DOCK4: variants seen among roughly 807,000 people sequenced by gnomAD.
DOCK4 encodes dedicator of cytokinesis 4.
In DOCK4, 97 loss-of-function variants were observed where a neutral mutation model predicts 268.1. The observed-to-expected ratio is 0.36, with a 90% CI of 0.31 to 0.43. The LOEUF (loss-of-function observed/expected upper bound fraction) is 0.43, where lower values mean the gene tolerates loss of function less well. DOCK4 is among the 20% of genes least tolerant of loss of function. The probability of loss-of-function intolerance (pLI) is 1.00; values close to 1 mark genes in which losing one functional copy is unlikely to be tolerated. For synonymous variants in DOCK4, 954 were observed against 887.2 expected, an observed-to-expected ratio of 1.08 and a Z score of -1.34; for missense variants, 2,145 against 2,455.7, an observed-to-expected ratio of 0.87 and a Z score of 2.67.
rs756065788 is a variant in DOCK4 at position 111,868,028 on chromosome 7, G to C, written c.2236C>G (p.Leu746Val). 6.2e-7 allele frequency: 1 copy of C among 1,612,586 alleles called. No individual in the cohort carries two copies. The highest frequency in any genetic ancestry group is 8.5e-7 in the Non-Finnish European group (1 of 1,179,320). Residue 746 changes from leucine (L) to valine (V), a missense_variant, in exon 22 of 53, where the codon CTT becomes GTT. By Grantham distance (32) the Leu-to-Val change is conservative. Transcript: ENST00000428084. Reference sequence around the variant, plus strand: ...CCAGACCCTTTGCTCTCTTGCGAAAGAAAGAAACGGACTGACATGAGAAGC... The same window carrying C: ...CCAGACCCTTTGCTCTCTTGCGAAACAAAGAAACGGACTGACATGAGAAGC... ...QELLMSVRFFLSQESKGSGAL... is the reference protein window; with the variant it reads ...QELLMSVRFFVSQESKGSGAL...
intron 1 of DOCK4, among the ~76,000 whole-genome samples, chr7:112,197,366 G>A (rs748165735): frequency 6.6e-6 from 1 of 151,442 alleles, no homozygotes; most frequent in Non-Finnish European, 1.5e-5. Context: ...TTTTAGATGG[G>A]TGCGTGTTCT....
At chr7:111,944,709 C>T in intron 10 of DOCK4, 102 bp downstream of exon 10, 3 of 1,167,384 alleles carry the variant, frequency 2.6e-6, no homozygotes, top group South Asian at 1.4e-5. Context: ...GCTTTGATAT[C>T]TTTCTGATTC....
chr7:111,740,729 T>TTAAAAAAAAA (rs1795851414), intron 47 of DOCK4, among the ~76,000 whole-genome samples: 1 of 16,472 alleles, frequency 6.1e-5, no homozygotes, highest in Admixed American at 1.6e-3. Context: ...TGAGACTCGC[T>TTAAAAAAAAA]AAAAAAAAAA....
At chr7:112,193,975 T>A (rs1001011185) in intron 1 of DOCK4, among the ~76,000 whole-genome samples, 2 of 152,024 alleles carry the variant, frequency 1.3e-5, no homozygotes, top group Non-Finnish European at 2.9e-5. Flanking sequence ...CTCCAGGATC[T>A]CTTCTTATAA....
intron 30 of DOCK4, chr7:111,808,400 C>T (rs1245002651): frequency 5.8e-6 from 1 of 170,986 alleles, no homozygotes; most frequent in Non-Finnish European, 1.3e-5. Flanking sequence ...GGACAATGGT[C>T]TCAAGTTTTT....
At chr7:111,793,415 C>G (rs1456947318) in intron 30 of DOCK4, among the ~76,000 whole-genome samples, 1 of 152,178 alleles carries the variant, frequency 6.6e-6, no homozygotes, top group East Asian at 1.9e-4. Context: ...ACTATAAACA[C>G]AAAGAGAGAC....
chr7:111,845,324 G>A (rs964714339), intron 24 of DOCK4, among the ~76,000 whole-genome samples: 4 of 152,092 alleles, frequency 2.6e-5, no homozygotes, highest in South Asian at 2.1e-4. Flanking sequence ...GTCATTTTCC[G>A]AAACTTTAAG....
Position 111,877,200 on chromosome 7 carries a change from T to G in DOCK4, c.1588-14A>C, listed in dbSNP as rs1170791534. ...GTTTTCTTCACACTGTTAAAAATAT[T>G]TAAAAAAACATAAGGGAAGGGGAAG... On this transcript the variant is annotated splice_polypyrimidine_tract_variant and intron_variant, in intron 16 of 52. Coordinates refer to ENST00000428084, the MANE Select transcript of DOCK4 (RefSeq NM_001363540.2). 1 of 1,436,968 alleles carries G rather than the reference T, an allele frequency of 7.0e-7. No homozygotes were observed. The highest frequency in any genetic ancestry group is 1.6e-5 in the South Asian group (1 of 64,164). The allele number at this position is 1,436,968 out of a possible 1,614,324, so 89.0% of individuals were successfully genotyped here. A position where few individuals can be genotyped will look rare whatever the true frequency, so the allele number is the denominator to read the frequency against.
chr7:111,866,074 G>C (rs1427290089), intron 22 of DOCK4, among the ~76,000 whole-genome samples: 2 of 152,202 alleles, frequency 1.3e-5, no homozygotes, highest in South Asian at 2.1e-4. Flanking sequence ...CTGACCTATA[G>C]AACTGTGGGC....
At chr7:112,053,461 T>C (rs1805545137) in intron 1 of DOCK4, among the ~76,000 whole-genome samples, 1 of 152,214 alleles carries the variant, frequency 6.6e-6, no homozygotes, top group African/African-American at 2.4e-5. Context: ...CTTTGATCCC[T>C]ACTTCTCAGA....
intron 5 of DOCK4, among the ~76,000 whole-genome samples, chr7:111,992,756 A>C (rs1178717208): frequency 3.3e-5 from 5 of 152,342 alleles, no homozygotes; most frequent in Non-Finnish European, 7.3e-5. Flanking sequence ...GCTAATGGAC[A>C]ACACTCACAC....
Position 111,944,836 on chromosome 7 carries a change from A to G in DOCK4, c.819T>C (p.Tyr273=), listed in dbSNP as rs1192606489. ...LGSSELRKDI[Y]ITVHIIRIGR... ...CGATTCGGATAATGTGCACGGTGAT[A>G]TAAATGTCCTTTCTTAGCTCACTGC... The change falls in exon 10 of 53, where the codon TAT becomes TAC. Residue 273 remains tyrosine, a synonymous_variant. Transcript: ENST00000428084. 2.5e-6 allele frequency: 4 copies of G among 1,613,868 alleles called. No homozygotes were observed. In the African/African-American group the frequency reaches 4.0e-5, roughly 16 times the overall value.
intron 32 of DOCK4, 146 bp downstream of exon 32, chr7:111,788,516 C>G (rs147170180): frequency 7.7e-6 from 5 of 649,648 alleles, no homozygotes; most frequent in Middle Eastern, 5.4e-4. Flanking sequence ...AGGCAATTAT[C>G]CTTTATTTCA....
At chr7:112,170,392 G>A (rs562073639) in intron 1 of DOCK4, among the ~76,000 whole-genome samples, 3 of 152,028 alleles carry the variant, frequency 2.0e-5, no homozygotes, top group Admixed American at 2.0e-4. Flanking sequence ...GATCAGGAGG[G>A]TGAGGCTGCA....
intron 1 of DOCK4, among the ~76,000 whole-genome samples, chr7:112,069,739 G>A (rs577521434): frequency 2.0e-5 from 3 of 152,178 alleles, no homozygotes; most frequent in Non-Finnish European, 4.4e-5. Flanking sequence ...CCAACTCAGC[G>A]GTAGAAAATA....
At chr7:111,866,057 T>C (rs1805949178) in intron 22 of DOCK4, among the ~76,000 whole-genome samples, 1 of 152,254 alleles carries the variant, frequency 6.6e-6, no homozygotes. Flanking sequence ...CAAGCCTGCC[T>C]GGAATTCTGA....
chr7:112,018,179 A>AAAAAAAAAAAAAAAAAAAACAC lies in DOCK4; in HGVS notation c.38-14049_38-14048insGTGTTTTTTTTTTTTTTTTTTT. Among the ~76,000 whole-genome samples, 9 of 72,590 alleles carry AAAAAAAAAAAAAAAAAAAACAC rather than the reference A, an allele frequency of 1.2e-4. 2 individuals carry two copies. Among genetic ancestry groups the AAAAAAAAAAAAAAAAAAAACAC allele is most frequent in the Admixed American group, 3.9e-4 (3 of 7,642 alleles). The allele number at this position is 72,590 out of a possible 152,430, so 47.6% of individuals were successfully genotyped here. A position where few individuals can be genotyped will look rare whatever the true frequency, so the allele number is the denominator to read the frequency against. On this transcript the variant is annotated intron_variant, in intron 1 of 52. Transcript: ENST00000428084. The stretch of plus-strand genomic sequence containing the variant: ...AAAAAAAAAAAAAAAAAAAAAAAAA[A>AAAAAAAAAAAAAAAAAAAACAC]ACACAGGCAACCAGTATTCATGTGG...
intron 12 of DOCK4, among the ~76,000 whole-genome samples, chr7:111,924,628 T>C (rs966058653): frequency 6.6e-6 from 1 of 152,236 alleles, no homozygotes. Context: ...AGTCCTGTTT[T>C]AAAATACAAT....
At chr7:112,200,932 G>A (rs1359787104) in intron 1 of DOCK4, among the ~76,000 whole-genome samples, 1 of 151,878 alleles carries the variant, frequency 6.6e-6, no homozygotes, top group Non-Finnish European at 1.5e-5. Context: ...TTACTGGGAG[G>A]TATAAATCAT....
Sources: allele counts gnomAD v4.1 joint callset (sites outside exome capture counted in the v4.1 genomes callset), GRCh38; gene constraint gnomAD v4.1.1; transcripts MANE v1.5; gene names NCBI Gene and HGNC (gene_info 2026-07-23, HGNC 2026-07-21).